Variants in DHRS3 observed in about 807,000 individuals in gnomAD.
DHRS3 encodes the protein dehydrogenase/reductase 3.
In DHRS3, 14 loss-of-function variants were observed where a neutral mutation model predicts 27.2. The observed-to-expected ratio is 0.52, with a 90% confidence interval of 0.34 to 0.81. The LOEUF (loss-of-function observed/expected upper bound fraction) is 0.81, where lower values mean the gene tolerates loss of function less well. Ranked by LOEUF, DHRS3 falls within the 30% of genes least tolerant of loss-of-function variation. The pLI is 0.01. For missense variants in DHRS3, 322 were observed against 406.2 expected, an observed-to-expected ratio of 0.79 and a Z score of 1.78; for synonymous variants, 165 against 175.9, an observed-to-expected ratio of 0.94 and a Z score of 0.49.
intron 4 of DHRS3, 97 bp from the exon 5 acceptor site, chr1:12,572,950 T>A: frequency 7.0e-7 from 1 of 1,426,494 alleles, no homozygotes; most frequent in South Asian, 1.5e-5. Flanking sequence ...ACCCTTTGGC[T>A]TTTCCTGTCT....
chr1:12,595,289 C>T (rs534204955), intron 1 of DHRS3, among the ~76,000 whole-genome samples: 1 of 152,250 alleles, frequency 6.6e-6, no homozygotes, highest in East Asian at 1.9e-4. Context: ...GCCGGGAGGC[C>T]AGCCTGGCTC....
At chr1:12,612,696 T>C (rs749336754) in intron 1 of DHRS3, among the ~76,000 whole-genome samples, 25 of 152,192 alleles carry the variant, frequency 1.6e-4, no homozygotes, top group Non-Finnish European at 2.8e-4. Context: ...TATAACTAGT[T>C]AAGGATCTTG....
chr1:12,607,847 A>ATG (rs753847593), intron 1 of DHRS3, among the ~76,000 whole-genome samples: 60 of 151,396 alleles, frequency 4.0e-4, no homozygotes, highest in Non-Finnish European at 6.0e-4. Flanking sequence ...ATTTGTGTAT[A>ATG]TGTGTGTGTG....
intron 1 of DHRS3, among the ~76,000 whole-genome samples, chr1:12,600,736 C>T (rs537824450): frequency 6.6e-6 from 1 of 152,340 alleles, no homozygotes; most frequent in East Asian, 1.9e-4. Flanking sequence ...GGAGGGAGAG[C>T]TGGCCTCTCG....
chr1:12,579,270 C>A, intron 3 of DHRS3, 23 bp downstream of exon 3: 3 of 1,614,080 alleles, frequency 1.9e-6, no homozygotes, highest in Non-Finnish European at 2.5e-6. Context: ...CCGGGGCTGG[C>A]TCTGGCCCCG....
At chr1:12,616,858 G>C in intron 1 of DHRS3, 2 of 1,125,992 alleles carry the variant, frequency 1.8e-6, no homozygotes, top group Admixed American at 3.7e-5. Context: ...CCTTCCTTTG[G>C]GAGGCAGGAA....
In DHRS3 at chr1:12,568,205, C is replaced by G; in HGVS notation, c.*135G>C. On this transcript the variant is annotated 3_prime_UTR_variant, in exon 6 of 6. Transcript: ENST00000616661. ...GGTCCTGGGACTGGCCCAGGGGCAG[C>G]CGGATTCTTCGCTGGGGACAGGAGC... 1.2e-6 allele frequency: 1 copy of G among 840,346 alleles called. No individual in the cohort carries two copies. Among genetic ancestry groups the G allele is most frequent in the Admixed American group, 1.9e-5 (1 of 52,770 alleles). The allele number at this position is 840,346 out of a possible 1,614,324, so 52.1% of individuals were successfully genotyped here.
rs1646826027 is a variant in DHRS3 at position 12,600,226 on chromosome 1, C to CGT, written c.195+16927_195+16928insAC. The CGT allele has an allele frequency of 1.7e-5, 5 of 289,384 alleles. No individual in the cohort carries two copies. The South Asian group carries it at 6.5e-4, about 38-fold the overall frequency. 17.9% of individuals were successfully genotyped at this position (289,384 alleles called of 1,614,324 possible). A position where few individuals can be genotyped will look rare whatever the true frequency, so the allele number is the denominator to read the frequency against. The stretch of plus-strand genomic sequence containing the variant: ...GTGTGTGTGTGTGTGTACACGTACA[C>CGT]ACACACACACACAATCACACAAACA... On this transcript the variant is annotated intron_variant, in intron 1 of 5. Transcript: ENST00000616661.
At chr1:12,570,305 T>A (rs957039137) in intron 5 of DHRS3, among the ~76,000 whole-genome samples, 1 of 152,238 alleles carries the variant, frequency 6.6e-6, no homozygotes, top group Admixed American at 6.5e-5. Context: ...ACCCGTTTAC[T>A]TGTCAAGCCT....
intron 1 of DHRS3, among the ~76,000 whole-genome samples, chr1:12,603,077 G>A (rs759701032): frequency 5.3e-5 from 8 of 152,234 alleles, no homozygotes; most frequent in Non-Finnish European, 1.0e-4. Flanking sequence ...GCCCCGCTTG[G>A]GCATTCAGAG....
chr1:12,576,333 T>C (rs4073719), intron 4 of DHRS3, among the ~76,000 whole-genome samples: 82,729 of 151,590 alleles, frequency 0.55, 23,630 homozygotes, highest in African/African-American at 0.73. Context: ...GAGGCCGAGG[T>C]GGACGGATCA....
rs1376323252 is a variant in DHRS3, at chr1:12,592,296, T to G, written c.196-11630A>C. Among the ~76,000 whole-genome samples, 1 of 152,192 alleles carries G rather than the reference T, an allele frequency of 6.6e-6. No individual in the cohort carries two copies. The highest frequency in any genetic ancestry group is 1.5e-5 in the Non-Finnish European group (1 of 68,022). ...AGTCCAAGTCCTAACCCTTGGTACC[T>G]GTGAATGTGACCTTATGCTGAAAGA... On this transcript the variant is annotated intron_variant, in intron 1 of 5. Coordinates refer to ENST00000616661, the MANE Select transcript of DHRS3 (RefSeq NM_004753.7). The surrounding 1 kb of genome is among the most constrained non-coding windows in gnomAD (Gnocchi z 4.2).
intron 1 of DHRS3, among the ~76,000 whole-genome samples, chr1:12,585,366 T>C: frequency 7.1e-6 from 1 of 141,658 alleles, no homozygotes; most frequent in East Asian, 2.0e-4. Context: ...TGTGTCTGTG[T>C]CTCTGTGTGA....
intron 4 of DHRS3, among the ~76,000 whole-genome samples, chr1:12,573,417 C>T (rs1488783553): frequency 6.6e-6 from 1 of 152,234 alleles, no homozygotes; most frequent in African/African-American, 2.4e-5. Context: ...TGGGTTGTTT[C>T]CTTGTCAGTG....
chr1:12,604,351 C>G (rs1646855808), intron 1 of DHRS3, among the ~76,000 whole-genome samples: 1 of 152,184 alleles, frequency 6.6e-6, no homozygotes, highest in African/African-American at 2.4e-5. Flanking sequence ...GAAAGAAATT[C>G]AACTGTGCTA....
Position 12,592,611 on chromosome 1 carries a change from G to A in DHRS3, c.196-11945C>T, listed in dbSNP as rs1225300447. Among the ~76,000 whole-genome samples, 1 of 152,094 alleles carries A rather than the reference G, an allele frequency of 6.6e-6. No homozygotes were observed. The highest frequency in any genetic ancestry group is 2.4e-5 in the African/African-American group (1 of 41,408). On this transcript the variant is annotated intron_variant, in intron 1 of 5. Coordinates refer to ENST00000616661, the MANE Select transcript of DHRS3 (RefSeq NM_004753.7). The surrounding 1 kb of genome is among the most constrained non-coding windows in gnomAD (Gnocchi z 4.2). Reference sequence around the variant, plus strand: ...GGGGCCCTGCTGACACCTGGAGTTTGGACTTCTGGTACCCAGAAATGTGAG... The same window carrying A: ...GGGGCCCTGCTGACACCTGGAGTTTAGACTTCTGGTACCCAGAAATGTGAG...
rs879138424 is a variant in DHRS3, at chr1:12,617,525, A to T, written c.-177T>A. 2.2e-6 allele frequency: 1 copy of T among 449,684 alleles called. No homozygotes were observed. The highest frequency in any genetic ancestry group is 3.9e-5 in the East Asian group (1 of 25,674). 27.9% of individuals were successfully genotyped at this position (449,684 alleles called of 1,614,324 possible). ...AAAGCACCGGGTGAGAAAAAGAAAAAAAAAAAAAAAAAAAAGATAAATTCT... is the reference window on the plus strand; with the variant it reads ...AAAGCACCGGGTGAGAAAAAGAAAATAAAAAAAAAAAAAAAGATAAATTCT... On this transcript the variant is annotated 5_prime_UTR_variant, in exon 1 of 6. Coordinates refer to ENST00000616661, the MANE Select transcript of DHRS3 (RefSeq NM_004753.7).
chr1:12,573,958 A>AG (rs1360153736), intron 4 of DHRS3, among the ~76,000 whole-genome samples: 1 of 152,148 alleles, frequency 6.6e-6, no homozygotes, highest in African/African-American at 2.4e-5. Flanking sequence ...CTATAGGTGC[A>AG]GGGCTCATGT....
At chr1:12,606,311 C>CAAAAAAAAAAAAA (rs56928608) in intron 1 of DHRS3, among the ~76,000 whole-genome samples, 1 of 98,248 alleles carries the variant, frequency 1.0e-5, no homozygotes, top group Non-Finnish European at 2.0e-5. Context: ...CAATTAACAG[C>CAAAAAAAAAAAAA]AAAAAAAAAA....
Sources: allele counts gnomAD v4.1 joint callset (sites outside exome capture counted in the v4.1 genomes callset), GRCh38; gene constraint gnomAD v4.1.1; non-coding constraint Gnocchi (gnomAD v3.1); transcripts MANE v1.5; gene names NCBI Gene and HGNC (gene_info 2026-07-23, HGNC 2026-07-21).